The following PAH variants were observed in gnomAD, a reference collection of about 807,000 sequenced individuals.
PAH encodes the protein phenylalanine hydroxylase.
PAH carries 64 observed loss-of-function variants against 62.0 expected under a neutral mutation model. The observed-to-expected ratio is 1.03, with a 90% confidence interval of 0.84 to 1.27. PAH has a LOEUF of 1.27. Ranked by LOEUF, PAH falls within the 50% of genes most tolerant of loss-of-function variation. PAH has a pLI of 0.00. For synonymous variants in PAH, 195 were observed against 196.2 expected, an observed-to-expected ratio of 0.99 and a Z score of 0.05; for missense variants, 579 against 542.8, an observed-to-expected ratio of 1.07 and a Z score of -0.66.
chr12:102,913,143 A>T (rs543754507), intron 1 of PAH, among the ~76,000 whole-genome samples: 34 of 152,340 alleles, frequency 2.2e-4, no homozygotes, highest in Non-Finnish European at 4.9e-4. Context: ...TTATTCATTG[A>T]TGTCACCATT....
At chr12:102,873,150 C>T (rs1306773454) in intron 4 of PAH, among the ~76,000 whole-genome samples, 2 of 152,292 alleles carry the variant, frequency 1.3e-5, no homozygotes, top group East Asian at 3.9e-4. Flanking sequence ...GTCTATGTGG[C>T]AGAGGTTGCT....
At chr12:102,876,040 AT>A (rs34089141) in intron 4 of PAH, among the ~76,000 whole-genome samples, 32,259 of 148,164 alleles carry the variant, frequency 0.22, 4,051 homozygotes, top group Admixed American at 0.36. Flanking sequence ...ATAATAGGTG[AT>A]TTTTTTTTTT....
At chr12:102,955,910 G>A (rs1879896840) in intron 1 of PAH, among the ~76,000 whole-genome samples, 1 of 152,152 alleles carries the variant, frequency 6.6e-6, no homozygotes, top group South Asian at 2.1e-4. Context: ...GCACGATTTG[G>A]TCCTATACCT....
chr12:102,847,283 T>G, intron 8 of PAH: 1 of 384,690 alleles, frequency 2.6e-6, no homozygotes, highest in Middle Eastern at 8.2e-4. Context: ...TGATTATTCA[T>G]CAGCAGAATA....
Position 102,843,656 on chromosome 12 carries a change from C to T in PAH, c.1189G>A (p.Glu397Lys), listed in dbSNP as rs1237673210. The T allele has an allele frequency of 1.2e-6, 2 of 1,613,630 alleles. No homozygotes were observed. Among genetic ancestry groups the T allele is most frequent in the Non-Finnish European group, 8.5e-7 (1 of 1,179,796 alleles). Residue 397 changes from glutamate to lysine, a missense_variant, in exon 11 of 13, where the codon GAG (glutamate) becomes AAG (lysine). By Grantham distance (56) the Glu-to-Lys change is moderately conservative. Transcript: ENST00000553106. ...YVAESFNDAK[E>K]KVRNFAATIP... ...TTGTCACCACCTCACCTTACTTTCT[C>T]CTTGGCATCATTAAAACTCTCTGCC...
At chr12:102,934,520 A>G (rs1879028995) in intron 1 of PAH, among the ~76,000 whole-genome samples, 1 of 151,924 alleles carries the variant, frequency 6.6e-6, no homozygotes. Flanking sequence ...GGTAGTATGT[A>G]CGTTTTAACA....
intron 4 of PAH, among the ~76,000 whole-genome samples, chr12:102,876,477 C>T (rs2136677753): frequency 6.6e-6 from 1 of 152,342 alleles, no homozygotes; most frequent in Admixed American, 6.5e-5. Flanking sequence ...TGAAAAGCGC[C>T]TTTGCGAACA....
rs138809906 is a variant in PAH, at chr12:102,855,321, A to T, written c.521T>A (p.Ile174Asn). The T allele has an allele frequency of 1.2e-6, 2 of 1,613,918 alleles. No individual in the cohort carries two copies. Among genetic ancestry groups the T allele is most frequent in the East Asian group, 2.2e-5 (1 of 44,882 alleles). Residue 174 changes from isoleucine (I) to asparagine (N), a missense_variant, in exon 6 of 13, where the codon ATC becomes AAC. Physicochemically the swap from Ile to Asn is moderately radical, Grantham distance 149 (BLOSUM62 -3). Coordinates refer to ENST00000553106, the MANE Select transcript of PAH (RefSeq NM_000277.3). ...TTCCTCCATGTATTCCACTCGAGGG[A>T]TGGGCTGCCCACTAGAATACAGGCA... ...IAYNYRHGQP[I>N]PRVEYMEEEK...
chr12:102,863,895 TC>T (rs1172269153), intron 5 of PAH, among the ~76,000 whole-genome samples: 2 of 152,152 alleles, frequency 1.3e-5, no homozygotes, highest in Non-Finnish European at 2.9e-5. Context: ...CAACTTCCAC[TC>T]CAGTAATATC....
upstream of PAH, among the ~76,000 whole-genome samples, chr12:102,920,582 T>TAC (rs1276266572): frequency 1.3e-5 from 2 of 152,220 alleles, no homozygotes; most frequent in Non-Finnish European, 2.9e-5. Flanking sequence ...AAACAAAACC[T>TAC]ACATGACCCT....
At chr12:102,905,738 T>G (rs1427639521) in intron 2 of PAH, among the ~76,000 whole-genome samples, 1 of 151,786 alleles carries the variant, frequency 6.6e-6, no homozygotes, top group Non-Finnish European at 1.5e-5. Context: ...ACACAGTCTC[T>G]CATGCACAGC....
At chr12:102,849,690 C>A (rs1241263906) in intron 8 of PAH, among the ~76,000 whole-genome samples, 1 of 152,166 alleles carries the variant, frequency 6.6e-6, no homozygotes, top group East Asian at 1.9e-4. Context: ...TCTCTCAATT[C>A]AACTAGAAAC....
chr12:102,942,838 G>T (rs1031187986), intron 1 of PAH, among the ~76,000 whole-genome samples: 1 of 152,114 alleles, frequency 6.6e-6, no homozygotes, highest in Non-Finnish European at 1.5e-5. Flanking sequence ...CTCAATAAAT[G>T]GTGCTGGGAT....
At position 102,843,675 on chromosome 12, in the gene PAH, C is replaced by T. The variant is rs2136635531; in HGVS notation, c.1170G>A (p.Glu390=). 2.5e-6 allele frequency: 4 copies of T among 1,613,788 alleles called. No individual in the cohort carries two copies. The East Asian group carries it at 8.9e-5, about 36-fold the overall frequency. ...CTTTCTCCTTGGCATCATTAAAACT[C>T]TCTGCCACGTAATAGAGGGGCTGGA... ...TEFQPLYYVA[E]SFNDAKEKVR... The change falls in exon 11 of 13, where the codon GAG becomes GAA. Residue 390 remains glutamate (E), a synonymous_variant. Coordinates refer to ENST00000553106, the MANE Select transcript of PAH (RefSeq NM_000277.3).
At chr12:102,909,923 C>T (rs149350005) in intron 2 of PAH, among the ~76,000 whole-genome samples, 7,855 of 152,262 alleles carry the variant, frequency 0.052, 649 homozygotes, top group African/African-American at 0.18. Context: ...CGCACCACTA[C>T]ACTCCAGCCT....
At chr12:102,877,578 A>C (rs546301484) in intron 3 of PAH, 28 bp from the exon 4 acceptor site, 6 of 1,555,338 alleles carry the variant, frequency 3.9e-6, no homozygotes, top group Non-Finnish European at 5.3e-6. Flanking sequence ...CAACGTCCTG[A>C]GTACAGATTG....
intron 2 of PAH, among the ~76,000 whole-genome samples, chr12:102,897,129 C>T (rs80334140): frequency 0.023 from 3,456 of 152,148 alleles, 55 homozygotes; most frequent in Middle Eastern, 0.037. Flanking sequence ...CAGAAACTAC[C>T]CTTTAAAGAT....
intron 2 of PAH, among the ~76,000 whole-genome samples, chr12:102,909,196 A>C (rs1248457377): frequency 6.6e-6 from 1 of 151,820 alleles, no homozygotes; most frequent in African/African-American, 2.4e-5. Flanking sequence ...GTTTTTGATG[A>C]CCCTGAGAGT....
At chr12:102,847,007 C>A in intron 8 of PAH, 56 bp from the exon 9 acceptor site, 2 of 1,435,026 alleles carry the variant, frequency 1.4e-6, no homozygotes. Context: ...ACCACAGAAC[C>A]AACCTAGTAC....
Sources: gnomAD v4.1 joint callset for allele counts (sites outside exome capture counted in the v4.1 genomes callset) on GRCh38, gnomAD v4.1.1 for gene constraint, MANE v1.5 for transcripts, NCBI Gene and HGNC (gene_info 2026-07-23, HGNC 2026-07-21) for gene names.